AUTS2: variants seen among roughly 807,000 people sequenced by gnomAD.
The protein encoded by AUTS2 is activator of transcription and developmental regulator AUTS2.
In AUTS2, 17 loss-of-function variants were observed where a neutral mutation model predicts 112.4. The observed-to-expected ratio is 0.15, with a 90% CI of 0.10 to 0.23. AUTS2 has a LOEUF of 0.23. Ranked by LOEUF, AUTS2 falls within the 10% of genes least tolerant of loss-of-function variation. The pLI, the probability that AUTS2 is intolerant of heterozygous loss-of-function variation, is 1.00. For synonymous variants in AUTS2, 751 were observed against 702.7 expected (o/e 1.07, Z -1.09); for missense variants, 1,510 against 1,701.6 (o/e 0.89, Z 1.98).
rs375981291 is a variant in AUTS2, at chr7:69,779,110, T to C, written c.310-120176T>C. Among the ~76,000 whole-genome samples the C allele has an allele frequency of 8.0e-5, 12 of 150,540 alleles. No homozygotes were observed. In the South Asian group the frequency reaches 8.5e-4, roughly 11 times the overall value. ...TCTTGCTATGTTGCCAAGGCTGGTCTTGAACTTCTTGGGCTCAAGTGATCC... is the reference window on the plus strand; with the variant it reads ...TCTTGCTATGTTGCCAAGGCTGGTCCTGAACTTCTTGGGCTCAAGTGATCC... On this transcript the variant is annotated intron_variant, in intron 1 of 18. Coordinates refer to ENST00000342771, the MANE Select transcript of AUTS2 (RefSeq NM_015570.4).
intron 4 of AUTS2, among the ~76,000 whole-genome samples, chr7:70,393,396 C>T (rs954452544): frequency 5.9e-5 from 9 of 152,156 alleles, no homozygotes; most frequent in Non-Finnish European, 1.0e-4. Context: ...TTGAGTCCTG[C>T]CCTTCCTGCT....
intron 1 of AUTS2, among the ~76,000 whole-genome samples, chr7:69,750,554 GGTGAGATCATAACTCACT>G (rs1340275536): frequency 6.6e-6 from 1 of 151,650 alleles, no homozygotes; most frequent in African/African-American, 2.4e-5. Context: ...GGAGTGCAGT[GGTGAGATCATAACTCACT>G]GTAGCCTCAA....
chr7:70,237,833 G>A lies in AUTS2; in HGVS notation c.660+103262G>A, dbSNP rs188891284. Among the ~76,000 whole-genome samples, 4 of 152,126 alleles carry A rather than the reference G, an allele frequency of 2.6e-5. No homozygotes were observed. In the East Asian group the frequency reaches 5.8e-4, roughly 22 times the overall value. On this transcript the variant is annotated intron_variant, in intron 4 of 18. Coordinates refer to ENST00000342771, the MANE Select transcript of AUTS2 (RefSeq NM_015570.4). Reference sequence around the variant, plus strand: ...CACAGACAAGCTCCTTCTCCCCCTCGGCAGGATAAAAATATTATCCCCTCG... The same window carrying A: ...CACAGACAAGCTCCTTCTCCCCCTCAGCAGGATAAAAATATTATCCCCTCG...
intron 4 of AUTS2, among the ~76,000 whole-genome samples, chr7:70,358,529 A>G (rs545073907): frequency 3.3e-5 from 5 of 152,342 alleles, no homozygotes; most frequent in African/African-American, 1.2e-4. Flanking sequence ...AGGTGTGTGT[A>G]CCAACAGCAT....
intron 5 of AUTS2, among the ~76,000 whole-genome samples, chr7:70,517,414 G>A (rs897243989): frequency 3.9e-5 from 6 of 152,064 alleles, no homozygotes; most frequent in Non-Finnish European, 8.8e-5. Context: ...TTGATTCTTG[G>A]TGTGTCTTCT....
At chr7:69,639,144 C>T (rs1333626969) in intron 1 of AUTS2, among the ~76,000 whole-genome samples, 1 of 152,156 alleles carries the variant, frequency 6.6e-6, no homozygotes, top group African/African-American at 2.4e-5. Flanking sequence ...GGTATTTAGA[C>T]CAGCATGGGA....
rs540886977 is a variant in AUTS2, at chr7:69,666,353, G to A, written c.309+66391G>A. Among the ~76,000 whole-genome samples, 19 of 152,186 alleles carry A rather than the reference G, an allele frequency of 1.2e-4. 1 individual carries two copies. The highest frequency in any genetic ancestry group is 7.2e-4 in the Admixed American group (11 of 15,288). ...TTGCCTTACCCTGGAAATTCGAATC[G>A]TAATTCAGTAAACAATTTTAGGTAC... On this transcript the variant is annotated intron_variant, in intron 1 of 18. Coordinates refer to ENST00000342771, the MANE Select transcript of AUTS2 (RefSeq NM_015570.4).
chr7:69,877,761 A>G (rs578154123), intron 1 of AUTS2, among the ~76,000 whole-genome samples: 3 of 152,308 alleles, frequency 2.0e-5, no homozygotes, highest in Admixed American at 6.5e-5. Flanking sequence ...ACACATTTAA[A>G]TAGACATTAT....
At chr7:70,692,370 G>A (rs1808799480) in intron 5 of AUTS2, among the ~76,000 whole-genome samples, 1 of 152,178 alleles carries the variant, frequency 6.6e-6, no homozygotes, top group Non-Finnish European at 1.5e-5. Context: ...TAAGAAAACT[G>A]TTCCATTTTG....
intron 6 of AUTS2, among the ~76,000 whole-genome samples, chr7:70,752,683 G>A (rs369490363): frequency 2.6e-5 from 4 of 152,130 alleles, no homozygotes; most frequent in Non-Finnish European, 2.9e-5. Context: ...TTTTTCCCCC[G>A]TATGAAGTGA....
intron 2 of AUTS2, among the ~76,000 whole-genome samples, chr7:69,985,058 G>A (rs1798448988): frequency 6.6e-6 from 1 of 151,982 alleles, no homozygotes; most frequent in Admixed American, 6.6e-5. Flanking sequence ...CATTGAGAAG[G>A]TTTCCAGGTA....
chr7:70,402,648 G>T (rs1794373568), intron 4 of AUTS2, among the ~76,000 whole-genome samples: 1 of 152,148 alleles, frequency 6.6e-6, no homozygotes, highest in Non-Finnish European at 1.5e-5. Flanking sequence ...AGAATCACTT[G>T]GGGATGGGCG....
chr7:70,734,374 A>G (rs1787653643), intron 6 of AUTS2, among the ~76,000 whole-genome samples: 2 of 151,914 alleles, frequency 1.3e-5, no homozygotes, highest in Non-Finnish European at 2.9e-5. Context: ...TGGGAAGTGG[A>G]GCTTGCAGTG....
chr7:70,088,847 G>C, intron 2 of AUTS2, among the ~76,000 whole-genome samples: 1 of 151,888 alleles, frequency 6.6e-6, no homozygotes, highest in East Asian at 1.9e-4. Context: ...GCGCCTGTCC[G>C]AGACCCATCT....
chr7:70,310,530 G>A (rs1221451952), intron 4 of AUTS2, among the ~76,000 whole-genome samples: 4 of 151,948 alleles, frequency 2.6e-5, no homozygotes, highest in Admixed American at 6.5e-5. Flanking sequence ...GGAGAATGGC[G>A]TGAACCCAGG....
Position 69,809,348 on chromosome 7 carries a change from G to T in AUTS2, c.310-89938G>T, listed in dbSNP as rs907861958. On this transcript the variant is annotated intron_variant, in intron 1 of 18. Coordinates refer to ENST00000342771, the MANE Select transcript of AUTS2 (RefSeq NM_015570.4). ...CCGCCTTGGCCTCCCAAAGTGCTGG[G>T]ATTACAGGCGTGAGCCACCACGCCT... Among the ~76,000 whole-genome samples, 4 of 152,104 alleles carry T rather than the reference G, an allele frequency of 2.6e-5. No homozygotes were observed. The South Asian group carries it at 8.3e-4, about 32-fold the overall frequency.
intron 2 of AUTS2, among the ~76,000 whole-genome samples, chr7:70,055,996 A>AC (rs1458228655): frequency 6.6e-6 from 1 of 150,544 alleles, no homozygotes; most frequent in East Asian, 2.0e-4. Context: ...TTTTATTGTT[A>AC]TTTTTTTCAG....
intron 4 of AUTS2, among the ~76,000 whole-genome samples, chr7:70,348,575 C>T (rs6967986): frequency 0.29 from 44,010 of 151,812 alleles, 6,687 homozygotes; most frequent in African/African-American, 0.38. Context: ...GAGGCCGAGG[C>T]GGGTGGATCA....
At chr7:70,325,844 C>A (rs1468930299) in intron 4 of AUTS2, among the ~76,000 whole-genome samples, 1 of 152,122 alleles carries the variant, frequency 6.6e-6, no homozygotes, top group African/African-American at 2.4e-5. Context: ...GAATCCAGTC[C>A]GGTGGAAGAA....
Sources: allele counts gnomAD v4.1 joint callset (sites outside exome capture counted in the v4.1 genomes callset), GRCh38; gene constraint gnomAD v4.1.1; transcripts MANE v1.5; gene names NCBI Gene and HGNC (gene_info 2026-07-23, HGNC 2026-07-21).